Variants in CPE observed in about 807,000 individuals in gnomAD.
CPE encodes the protein carboxypeptidase E, also known as carbocypeptidase E.
A neutral mutation model predicts 53.5 loss-of-function variants in CPE; 17 were observed. The ratio of observed to expected loss-of-function variants is 0.32; its 90% CI spans 0.22 to 0.48. The LOEUF is 0.48. Among genes scored for constraint, CPE ranks in the 20% least tolerant of loss-of-function variants. CPE has a pLI of 0.99. For missense variants in CPE, 524 were observed against 614.7 expected (o/e 0.85, Z 1.56); for synonymous variants, 226 against 228.8 (o/e 0.99, Z 0.11).
chr4:165,482,369 C>A lies in CPE; in HGVS notation c.790+10C>A, dbSNP rs202187157. 3 of 1,547,800 alleles carry A rather than the reference C, an allele frequency of 1.9e-6. No homozygotes were observed. The Admixed American group carries it at 5.0e-5, about 26-fold the overall frequency. Reference sequence around the variant, plus strand: ...GATGAGACGCGGAGTGGTAGGTATTCTTTCTGCTTCTCTTATTGGTTCAAA... The same window carrying A: ...GATGAGACGCGGAGTGGTAGGTATTATTTCTGCTTCTCTTATTGGTTCAAA... On this transcript the variant is annotated intron_variant, in intron 4 of 8. Transcript: ENST00000402744.
Position 165,396,238 on chromosome 4 carries a change from T to C in CPE, c.307+16710T>C, listed in dbSNP as rs78668412. Among the ~76,000 whole-genome samples the C allele has an allele frequency of 3.1e-3, 468 of 151,318 alleles. 7 individuals carry two copies. The highest frequency in any genetic ancestry group is 6.8e-3 in the Middle Eastern group (2 of 294). On this transcript the variant is annotated intron_variant, in intron 1 of 8. Coordinates refer to ENST00000402744, the MANE Select transcript of CPE (RefSeq NM_001873.4). Reference sequence around the variant, plus strand: ...ATCTTTAACGGGGCTAGGGAACTTATTGGGTGCTGTAAGAACTGTTGGTAT... The same window carrying C: ...ATCTTTAACGGGGCTAGGGAACTTACTGGGTGCTGTAAGAACTGTTGGTAT...
chr4:165,420,816 A>G (rs1731199185), intron 1 of CPE, among the ~76,000 whole-genome samples: 1 of 152,146 alleles, frequency 6.6e-6, no homozygotes, highest in Admixed American at 6.6e-5. Context: ...TGGAATAATT[A>G]GTTTTTATTA....
chr4:165,487,458 C>A lies in CPE; in HGVS notation c.994C>A (p.Leu332Ile). 2 of 1,614,024 alleles carry A rather than the reference C, an allele frequency of 1.2e-6. No individual in the cohort carries two copies. Among genetic ancestry groups the A allele is most frequent in the Non-Finnish European group, 1.7e-6 (2 of 1,179,986 alleles). The change falls in exon 6 of 9, where the codon CTT becomes ATT. Residue 332 changes from leucine to isoleucine, a missense_variant. Transcript: ENST00000402744. Reference sequence around the variant, plus strand: ...GGCAGGGATGCAAGACTTCAATTACCTTAGCAGCAACTGTTTTGAGATCAC... The same window carrying A: ...GGCAGGGATGCAAGACTTCAATTACATTAGCAGCAACTGTTTTGAGATCAC... The part of the protein sequence containing the change: ...VPGGMQDFNY[L>I]SSNCFEITVE...
In CPE at chr4:165,495,664, G is replaced by T; in HGVS notation, c.1319G>T (p.Ser440Ile). The T allele has an allele frequency of 6.2e-7, 1 of 1,610,018 alleles. No homozygotes were observed. The highest frequency in any genetic ancestry group is 8.5e-7 in the Non-Finnish European group (1 of 1,177,402). The change falls in exon 8 of 9, where the codon AGC becomes ATC. Residue 440 changes from serine (S) to isoleucine (I), a missense_variant. Physicochemically the swap from Ser to Ile is moderately radical, Grantham distance 142. Coordinates refer to ENST00000402744, the MANE Select transcript of CPE (RefSeq NM_001873.4). ...ACAAAGAAAGTGGCAGTTCCTTACA[G>T]CCCTGCTGCTGGGGTAAGTAATCAT... ...AITKKVAVPY[S>I]PAAGVDFELE...
chr4:165,461,184 AAAAG>A (rs796620232), intron 1 of CPE, among the ~76,000 whole-genome samples: 164 of 106,676 alleles, frequency 1.5e-3, no homozygotes, highest in East Asian at 4.8e-3. Flanking sequence ...AAAAAAAAAA[AAAAG>A]AAAGAAAGAA....
chr4:165,445,492 CAAAG>C (rs1731697726), intron 1 of CPE, among the ~76,000 whole-genome samples: 1 of 151,824 alleles, frequency 6.6e-6, no homozygotes, highest in African/African-American at 2.4e-5. Flanking sequence ...AAAGAAATGA[CAAAG>C]AAAGTTAACA....
chr4:165,421,445 CTTTTGTCTTCTGTGTCTTGCT>C (rs1321626079), intron 1 of CPE, among the ~76,000 whole-genome samples: 3 of 152,132 alleles, frequency 2.0e-5, no homozygotes, highest in Admixed American at 6.5e-5. Flanking sequence ...ACATTTGTAA[CTTTTGTCTTCTGTGTCTTGCT>C]GACAGAGATA....
intron 1 of CPE, chr4:165,386,345 A>T (rs1359475210): frequency 2.2e-6 from 1 of 463,028 alleles, no homozygotes; most frequent in East Asian, 6.7e-5. Flanking sequence ...TATATTTTTT[A>T]ATCCTGAATG....
intron 6 of CPE, among the ~76,000 whole-genome samples, chr4:165,490,868 G>A (rs748543858): frequency 6.6e-6 from 1 of 152,124 alleles, no homozygotes. Context: ...TTCAGCCTTC[G>A]CTGAAACTGA....
chr4:165,392,769 C>T (rs992160294), intron 1 of CPE, among the ~76,000 whole-genome samples: 2 of 148,012 alleles, frequency 1.4e-5, no homozygotes, highest in Non-Finnish European at 3.0e-5. Context: ...AAGGACAACA[C>T]CCCAAAACTG....
At chr4:165,458,501 G>GT (rs1193829384) in intron 1 of CPE, among the ~76,000 whole-genome samples, 1 of 152,178 alleles carries the variant, frequency 6.6e-6, no homozygotes, top group Non-Finnish European at 1.5e-5. Context: ...TCATCCCAGA[G>GT]TAAGTTTCTT....
At chr4:165,398,236 A>G (rs917977043) in intron 1 of CPE, among the ~76,000 whole-genome samples, 3 of 152,066 alleles carry the variant, frequency 2.0e-5, no homozygotes, top group Non-Finnish European at 2.9e-5. Context: ...AATATTAGTA[A>G]AAGATTGATA....
At position 165,495,352 on chromosome 4, in the gene CPE, G is replaced by GA. The variant is rs540664621; in HGVS notation, c.1214-207_1214-206insA. Among the ~76,000 whole-genome samples the GA allele has an allele frequency of 1.4e-4, 22 of 152,274 alleles. No individual in the cohort carries two copies. In the East Asian group the frequency reaches 4.0e-3, roughly 28 times the overall value. The stretch of plus-strand genomic sequence containing the variant: ...ACAATTTAACATTGATATCTATAAA[G>GA]TAGCTATAAGAAATGAAGCCTGTAA... On this transcript the variant is annotated intron_variant, in intron 7 of 8. Coordinates refer to ENST00000402744, the MANE Select transcript of CPE (RefSeq NM_001873.4).
chr4:165,442,023 GTTT>G lies in CPE; in HGVS notation c.308-22357_308-22355del, dbSNP rs11415472. On this transcript the variant is annotated intron_variant, in intron 1 of 8. Coordinates refer to ENST00000402744, the MANE Select transcript of CPE (RefSeq NM_001873.4). The stretch of plus-strand genomic sequence containing the variant: ...CTTCCTACAGCAAGACGGTGAGTTT[GTTT>G]TTTTTTTTTGTTTTTTTTTTGTTTT... Among the ~76,000 whole-genome samples the G allele has an allele frequency of 1.9e-5, 2 of 107,444 alleles. 1 individual carries two copies. Among genetic ancestry groups the G allele is most frequent in the African/African-American group, 8.0e-5 (2 of 25,078 alleles). 70.5% of individuals were successfully genotyped at this position (107,444 alleles called of 152,430 possible). A position where few individuals can be genotyped will look rare whatever the true frequency, so the allele number is the denominator to read the frequency against.
rs2126700486 is a variant in CPE, at chr4:165,464,468, A to G, written c.386A>G (p.Gln129Arg). The G allele has an allele frequency of 6.2e-7, 1 of 1,614,032 alleles. No homozygotes were observed. Among genetic ancestry groups the G allele is most frequent in the Non-Finnish European group, 8.5e-7 (1 of 1,179,942 alleles). ...VGRELLIFLA[Q>R]YLCNEYQKGN... ...CGAGAACTGCTCATTTTCTTGGCCC[A>G]GTACCTATGCAACGAATACCAGAAG... The change falls in exon 2 of 9, where the codon CAG becomes CGG. Residue 129 changes from glutamine to arginine, a missense_variant. Gln to Arg is a conservative substitution (Grantham distance 43). Transcript: ENST00000402744.
At chr4:165,432,686 A>G (rs1232356783) in intron 1 of CPE, among the ~76,000 whole-genome samples, 1 of 152,122 alleles carries the variant, frequency 6.6e-6, no homozygotes, top group Non-Finnish European at 1.5e-5. Flanking sequence ...TCCCTCAGTA[A>G]TTTATATGTT....
intron 6 of CPE, among the ~76,000 whole-genome samples, chr4:165,491,330 A>G (rs1485759005): frequency 3.9e-5 from 6 of 152,202 alleles, no homozygotes; most frequent in African/African-American, 1.2e-4. Flanking sequence ...TAATTTCAGG[A>G]TTATAGTGCC....
chr4:165,396,215 C>CT (rs1429381683), intron 1 of CPE, among the ~76,000 whole-genome samples: 1 of 152,116 alleles, frequency 6.6e-6, no homozygotes, highest in Non-Finnish European at 1.5e-5. Flanking sequence ...CTGGAGTCAT[C>CT]TTTAACGGGG....
At chr4:165,404,337 G>A (rs1730919582) in intron 1 of CPE, 8 of 771,866 alleles carry the variant, frequency 1.0e-5, no homozygotes, top group Admixed American at 1.0e-4. Flanking sequence ...AGGCGGAACT[G>A]GATGTCTTCA....
Sources: gnomAD v4.1 joint callset for allele counts (sites outside exome capture counted in the v4.1 genomes callset) on GRCh38, gnomAD v4.1.1 for gene constraint, MANE v1.5 for transcripts, NCBI Gene and HGNC (gene_info 2026-07-23, HGNC 2026-07-21) for gene names.